The following THSD4 variants were observed in gnomAD, a reference collection of about 807,000 sequenced individuals.
THSD4 encodes thrombospondin type-1 domain-containing protein 4.
In THSD4, 69 loss-of-function variants were observed where a neutral mutation model predicts 119.0. That is an observed-to-expected ratio of 0.58 (90% confidence interval 0.48 to 0.71). The LOEUF is 0.71. Among genes scored for constraint, THSD4 ranks in the 30% least tolerant of loss-of-function variants. The pLI, the probability that THSD4 is intolerant of heterozygous loss-of-function variation, is 0.00. For missense variants in THSD4, 1,393 were observed against 1,391.1 expected (o/e 1.00, Z -0.02); for synonymous variants, 524 against 540.4 (o/e 0.97, Z 0.42).
At chr15:71,556,503 A>G (rs2049019165) in intron 7 of THSD4, among the ~76,000 whole-genome samples, 1 of 152,260 alleles carries the variant, frequency 6.6e-6, no homozygotes, top group South Asian at 2.1e-4. Context: ...TGCTGGTAGC[A>G]CTTTGGGATG....
chr15:71,357,094 G>T (rs899687020), intron 6 of THSD4, among the ~76,000 whole-genome samples: 17 of 152,200 alleles, frequency 1.1e-4, no homozygotes, highest in African/African-American at 4.1e-4. Context: ...TGTGCCCTGT[G>T]GCTTGTGGGC....
At chr15:71,305,203 A>C (rs1046661731) in intron 6 of THSD4, among the ~76,000 whole-genome samples, 1 of 152,232 alleles carries the variant, frequency 6.6e-6, no homozygotes, top group Non-Finnish European at 1.5e-5. Flanking sequence ...ATTTGTCTCT[A>C]TTAATCTTCT....
At chr15:71,257,511 C>G (rs985820703) in intron 6 of THSD4, among the ~76,000 whole-genome samples, 2 of 152,026 alleles carry the variant, frequency 1.3e-5, no homozygotes, top group South Asian at 2.1e-4. Flanking sequence ...AGCTTCAGCC[C>G]GAGGCAGTGG....
intron 7 of THSD4, among the ~76,000 whole-genome samples, chr15:71,625,262 C>T (rs888766539): frequency 6.6e-6 from 1 of 152,144 alleles, no homozygotes; most frequent in Non-Finnish European, 1.5e-5. Flanking sequence ...CCCGCCTTGG[C>T]CTCCCAAAGT....
chr15:71,595,463 A>T (rs1366913863), intron 7 of THSD4, among the ~76,000 whole-genome samples: 1 of 152,166 alleles, frequency 6.6e-6, no homozygotes, highest in East Asian at 1.9e-4. Context: ...TGCCACCACC[A>T]TGTAAGAAGT....
intron 7 of THSD4, among the ~76,000 whole-genome samples, chr15:71,541,528 C>G (rs777479907): frequency 1.3e-5 from 2 of 152,216 alleles, no homozygotes; most frequent in African/African-American, 2.4e-5. Flanking sequence ...TATAAACATG[C>G]ATATGCAAAT....
chr15:71,208,060 C>T (rs527990489), intron 3 of THSD4, among the ~76,000 whole-genome samples: 2 of 152,272 alleles, frequency 1.3e-5, no homozygotes, highest in African/African-American at 4.8e-5. Flanking sequence ...CTGCTGGAGC[C>T]AAGGACTCAA....
Position 71,291,147 on chromosome 15 carries a change from C to T in THSD4, c.1015+34432C>T, listed in dbSNP as rs1219511972. Among the ~76,000 whole-genome samples the T allele has an allele frequency of 2.0e-5, 3 of 152,012 alleles. No individual in the cohort carries two copies. The East Asian group carries it at 5.8e-4, about 29-fold the overall frequency. ...GCTTCACTTTGGCACCCTAATCACC[C>T]CCATGTAGTTACAACTGAACTTTTA... On this transcript the variant is annotated intron_variant, in intron 6 of 17. Transcript: ENST00000261862.
chr15:71,173,553 T>TACAC (rs139875962), intron 3 of THSD4, among the ~76,000 whole-genome samples: 1,647 of 117,662 alleles, frequency 0.014, 26 homozygotes, highest in African/African-American at 0.039. Flanking sequence ...AAAATAGACC[T>TACAC]ACACACACAC....
upstream of THSD4, among the ~76,000 whole-genome samples, chr15:71,114,171 GT>G (rs1041223439): frequency 1.4e-4 from 21 of 152,026 alleles, no homozygotes; most frequent in Admixed American, 1.2e-3. Context: ...GCTCAAAATG[GT>G]GTTTCTTTCT....
intron 7 of THSD4, among the ~76,000 whole-genome samples, chr15:71,469,906 T>C (rs1894116240): frequency 2.0e-5 from 3 of 152,144 alleles, no homozygotes; most frequent in Admixed American, 2.0e-4. Flanking sequence ...CATACAGTTA[T>C]AATAGAGAGG....
At chr15:71,777,199 A>G (rs778007159) in intron 17 of THSD4, 33 bp from the exon 18 acceptor site, 2 of 1,614,026 alleles carry the variant, frequency 1.2e-6, no homozygotes, top group Non-Finnish European at 8.5e-7. Context: ...TCTTGTGCTC[A>G]GGGAGTCTTC....
chr15:71,717,985 C>CA (rs897740337), intron 8 of THSD4, among the ~76,000 whole-genome samples: 3 of 151,880 alleles, frequency 2.0e-5, no homozygotes, highest in Non-Finnish European at 4.4e-5. Context: ...CCTTTCTCTA[C>CA]AAAAAAATTA....
At chr15:71,586,565 T>G (rs567813382) in intron 7 of THSD4, among the ~76,000 whole-genome samples, 60 of 152,292 alleles carry the variant, frequency 3.9e-4, no homozygotes, top group Middle Eastern at 3.4e-3. Context: ...GCTCCCTTTG[T>G]CTTCAATCAG....
chr15:71,621,332 C>T (rs2050414981), intron 7 of THSD4, among the ~76,000 whole-genome samples: 1 of 152,134 alleles, frequency 6.6e-6, no homozygotes, highest in African/African-American at 2.4e-5. Context: ...AGATCATTAA[C>T]ATGGAAAAGA....
At chr15:71,250,857 T>C (rs1028965386) in intron 5 of THSD4, among the ~76,000 whole-genome samples, 1 of 152,052 alleles carries the variant, frequency 6.6e-6, no homozygotes, top group Non-Finnish European at 1.5e-5. Context: ...GGGGCTTTGA[T>C]GTAGGTATTG....
At chr15:71,404,168 A>C (rs1439020553) in intron 6 of THSD4, among the ~76,000 whole-genome samples, 7 of 152,308 alleles carry the variant, frequency 4.6e-5, no homozygotes, top group Admixed American at 4.6e-4. Context: ...CAATTATATA[A>C]CTATTATCAT....
chr15:71,698,487 A>G (rs1204848282), intron 8 of THSD4, among the ~76,000 whole-genome samples: 2 of 151,858 alleles, frequency 1.3e-5, no homozygotes, highest in South Asian at 2.1e-4. Context: ...TGCTGGGTAT[A>G]TATATCAGGA....
chr15:71,205,122 G>A (rs771498469), intron 3 of THSD4, among the ~76,000 whole-genome samples: 42 of 152,286 alleles, frequency 2.8e-4, no homozygotes, highest in Middle Eastern at 3.4e-3. Flanking sequence ...ACTAGGTTTG[G>A]TGTAGGAACC....
Sources: gnomAD v4.1 joint callset for allele counts (sites outside exome capture counted in the v4.1 genomes callset) on GRCh38, gnomAD v4.1.1 for gene constraint, MANE v1.5 for transcripts, NCBI Gene and HGNC (gene_info 2026-07-23, HGNC 2026-07-21) for gene names.